The following LRRC37A2 variants were observed in gnomAD, a reference collection of about 807,000 sequenced individuals.
The protein encoded by LRRC37A2 is leucine rich repeat containing 37 member A2, also known as leucine-rich repeat-containing protein 37A2.
Under a neutral mutation model 68.8 loss-of-function variants are expected in LRRC37A2, and 9 were observed. The observed-to-expected ratio is 0.13, with a 90% CI of 0.08 to 0.23. The LOEUF (loss-of-function observed/expected upper bound fraction) is 0.23, where lower values mean the gene tolerates loss of function less well. LRRC37A2 is among the 10% of genes least tolerant of loss of function. LRRC37A2 has a pLI of 1.00. For synonymous variants in LRRC37A2, 63 were observed against 367.6 expected, an observed-to-expected ratio of 0.17 and a Z score of 9.48; for missense variants, 168 against 950.4, an observed-to-expected ratio of 0.18 and a Z score of 10.82.
the LRRC37A2 span, chr17:46,938,523 A>G: frequency 6.2e-7 from 1 of 1,607,154 alleles, no homozygotes; most frequent in Non-Finnish European, 8.5e-7. Flanking sequence ...GCAAAGCTCC[A>G]TCTCCTGATG....
the LRRC37A2 span, chr17:46,768,632 G>C: frequency 6.2e-7 from 1 of 1,614,148 alleles, no homozygotes; most frequent in Non-Finnish European, 8.5e-7. The surrounding 1 kb of genome is among the most constrained non-coding windows in gnomAD (Gnocchi z 5.0). Flanking sequence ...CCCAGCCTCG[G>C]GACTCACGGT....
At chr17:46,951,764 C>T in the LRRC37A2 span, among the ~76,000 whole-genome samples, 1 of 152,192 alleles carries the variant, frequency 6.6e-6, no homozygotes, top group African/African-American at 2.4e-5. Context: ...GGCCCAGGTA[C>T]ACTCAGAGAG....
At chr17:46,622,549 G>A in the LRRC37A2 span, among the ~76,000 whole-genome samples, 12 of 148,372 alleles carry the variant, frequency 8.1e-5, no homozygotes, top group Non-Finnish European at 1.5e-4. Context: ...TTGGGAGGCC[G>A]AGGCGGGCGG....
At chr17:46,803,584 C>G in the LRRC37A2 span, among the ~76,000 whole-genome samples, 3 of 152,200 alleles carry the variant, frequency 2.0e-5, no homozygotes, top group Non-Finnish European at 2.9e-5. Flanking sequence ...TGGCAAAAAC[C>G]TTACTTGCCA....
chr17:46,822,094 C>A, the LRRC37A2 span, among the ~76,000 whole-genome samples: 1 of 152,324 alleles, frequency 6.6e-6, no homozygotes, highest in African/African-American at 2.4e-5. Flanking sequence ...TGGGGAAGTG[C>A]GAAGGGCCGA....
At chr17:46,928,673 G>A in the LRRC37A2 span, among the ~76,000 whole-genome samples, 1 of 152,134 alleles carries the variant, frequency 6.6e-6, no homozygotes, top group Non-Finnish European at 1.5e-5. Flanking sequence ...TTACCAAACA[G>A]AAGGTCCCTG....
chr17:46,692,272 G>A, the LRRC37A2 span, among the ~76,000 whole-genome samples: 1 of 114,222 alleles, frequency 8.8e-6, no homozygotes, highest in East Asian at 2.6e-4. Flanking sequence ...AAATCATTAT[G>A]CAGAAGAAAC....
chr17:46,806,636 C>A, the LRRC37A2 span, among the ~76,000 whole-genome samples: 1 of 152,258 alleles, frequency 6.6e-6, no homozygotes, highest in Non-Finnish European at 1.5e-5. Flanking sequence ...GCTCCAGAAT[C>A]CCCTATGGAA....
chr17:46,932,224 C>A, the LRRC37A2 span: 5 of 1,613,550 alleles, frequency 3.1e-6, no homozygotes, highest in East Asian at 2.2e-5. Context: ...TGGTGAGGGT[C>A]GGCCTGCACT....
chr17:47,009,038 A>G, the LRRC37A2 span, among the ~76,000 whole-genome samples: 1 of 152,018 alleles, frequency 6.6e-6, no homozygotes, highest in African/African-American at 2.4e-5. Flanking sequence ...TCGCTTCAAT[A>G]TGAGGAATTG....
the LRRC37A2 span, among the ~76,000 whole-genome samples, chr17:46,894,835 C>A: frequency 6.6e-6 from 1 of 152,272 alleles, no homozygotes; most frequent in East Asian, 1.9e-4. Context: ...CTTCTCCCCC[C>A]TCCACTCTGA....
chr17:46,974,748 A>AGG, the LRRC37A2 span, among the ~76,000 whole-genome samples: 44,877 of 147,084 alleles, frequency 0.31, 7,209 homozygotes, highest in Middle Eastern at 0.33. Context: ...AAAAAAAAAA[A>AGG]AGGTCATCTC....
the LRRC37A2 span, among the ~76,000 whole-genome samples, chr17:46,861,262 C>T: frequency 6.6e-6 from 1 of 152,190 alleles, no homozygotes; most frequent in African/African-American, 2.4e-5. Flanking sequence ...TTCAGGTGCT[C>T]AGGTCTTCAA....
At chr17:46,923,163 G>A in the LRRC37A2 span, 9 of 1,451,360 alleles carry the variant, frequency 6.2e-6, no homozygotes, top group South Asian at 4.9e-5. Context: ...GGAAGCCAGA[G>A]CCGGAGCCGT....
chr17:46,885,464 A>G, the LRRC37A2 span: 1 of 153,722 alleles, frequency 6.5e-6, no homozygotes, highest in African/African-American at 2.5e-5. Flanking sequence ...CACCACGCTC[A>G]GCTAATTTTT....
At chr17:46,500,660 C>G in the LRRC37A2 span, among the ~76,000 whole-genome samples, 1 of 151,038 alleles carries the variant, frequency 6.6e-6, no homozygotes, top group Non-Finnish European at 1.5e-5. Context: ...GTGATAATAG[C>G]AAATCCCTTG....
chr17:46,709,488 C>T, the LRRC37A2 span, among the ~76,000 whole-genome samples: 5 of 151,634 alleles, frequency 3.3e-5, no homozygotes, highest in Admixed American at 3.3e-4. Flanking sequence ...AAAAGCCAGC[C>T]TATAATTTTT....
chr17:46,605,380 G>A, the LRRC37A2 span, among the ~76,000 whole-genome samples: 3 of 133,386 alleles, frequency 2.2e-5, no homozygotes, highest in East Asian at 4.2e-4. Flanking sequence ...CCTGGGAGGT[G>A]GAGGTTGCAG....
chr17:46,720,737 A>G, the LRRC37A2 span, among the ~76,000 whole-genome samples: 4 of 152,192 alleles, frequency 2.6e-5, no homozygotes, highest in African/African-American at 4.8e-5. Context: ...TCAGATTTCT[A>G]CTAACTAGGT....
Sources: allele counts gnomAD v4.1 joint callset (sites outside exome capture counted in the v4.1 genomes callset), GRCh38; gene constraint gnomAD v4.1.1; non-coding constraint Gnocchi (gnomAD v3.1); transcripts MANE v1.5; gene names NCBI Gene and HGNC (gene_info 2026-07-23, HGNC 2026-07-21).